HERC1: variants seen among roughly 807,000 people sequenced by gnomAD.
The protein encoded by HERC1 is HECT and RLD domain containing E3 ubiquitin protein ligase family member 1.
Under a neutral mutation model 554.3 loss-of-function variants are expected in HERC1, and 160 were observed. The ratio of observed to expected loss-of-function variants is 0.29; its 90% CI spans 0.25 to 0.33. The LOEUF (loss-of-function observed/expected upper bound fraction) is 0.33. Ranked by LOEUF, HERC1 falls within the 10% of genes least tolerant of loss-of-function variation. HERC1 has a pLI of 1.00. For synonymous variants in HERC1, 2,175 were observed against 2,131.7 expected (o/e 1.02, Z -0.56); for missense variants, 4,919 against 5,918.5 (o/e 0.83, Z 5.54).
chr15:63,743,621 A>G (rs1361885740), intron 12 of HERC1, among the ~76,000 whole-genome samples: 1 of 152,124 alleles, frequency 6.6e-6, no homozygotes, highest in African/African-American at 2.4e-5. Flanking sequence ...GCATTCTTCA[A>G]AATGTCAATT....
Position 63,775,402 on chromosome 15 carries a change from C to T in HERC1, c.222G>A (p.Glu74=). The change falls in exon 2 of 78, where the codon GAG becomes GAA. Residue 74 remains glutamate, a synonymous_variant. Coordinates refer to ENST00000443617, the MANE Select transcript of HERC1 (RefSeq NM_003922.4). This position sits in a 1 kb window ranked among gnomAD's most constrained non-coding sequence, Gnocchi z 4.0. ...GAAGGGCATCCAAATAGTGGTCCTG[C>T]TCATCACTTGAAAGAGACTCACGTT... is the stretch of plus-strand genomic sequence containing the variant. ...DFERESLSSD[E]QDHYLDALLS... The T allele has an allele frequency of 6.2e-7, 1 of 1,613,990 alleles. No homozygotes were observed. Among genetic ancestry groups the T allele is most frequent in the Non-Finnish European group, 8.5e-7 (1 of 1,179,860 alleles).
In HERC1 at chr15:63,677,151, A is replaced by G. The variant is rs887534012; in HGVS notation, c.7070+694T>C. Among the ~76,000 whole-genome samples the G allele has an allele frequency of 1.3e-5, 2 of 152,216 alleles. No individual in the cohort carries two copies. The highest frequency in any genetic ancestry group is 4.8e-5 in the African/African-American group (2 of 41,466). On this transcript the variant is annotated intron_variant, in intron 37 of 77. Transcript: ENST00000443617. The surrounding 1 kb of genome is among the most constrained non-coding windows in gnomAD (Gnocchi z 4.4). ...CTTTTTGAGCACCAACATGATGCTC[A>G]ATGGAAATATTCATTGGAGCACTTT...
At chr15:63,638,641 A>G (rs1055120197) in intron 62 of HERC1, 70 bp downstream of exon 62, 23 of 1,585,734 alleles carry the variant, frequency 1.5e-5, no homozygotes, top group Non-Finnish European at 1.7e-5. Flanking sequence ...ACCAGGGCAC[A>G]AACACACAAG....
chr15:63,661,479 G>C (rs1566984224), intron 45 of HERC1, among the ~76,000 whole-genome samples: 1 of 152,162 alleles, frequency 6.6e-6, no homozygotes, highest in Non-Finnish European at 1.5e-5. Flanking sequence ...TTGAGTAGAA[G>C]CCTCCTGAGG....
intron 1 of HERC1, among the ~76,000 whole-genome samples, chr15:63,777,648 C>A: frequency 6.6e-6 from 1 of 152,086 alleles, no homozygotes; most frequent in Non-Finnish European, 1.5e-5. Flanking sequence ...ACAGTCTGTC[C>A]TCAACATTGC....
chr15:63,640,574 A>T lies in HERC1; in HGVS notation c.11608-129T>A, dbSNP rs896033409. ...CTGTTTAAGCTTTTTGCTAGGAAAT[A>T]ATTTTAGATTTAGAGTGAGTTGTAC... On this transcript the variant is annotated intron_variant, in intron 60 of 77. Transcript: ENST00000443617. The T allele has an allele frequency of 3.4e-5, 27 of 788,022 alleles. No individual in the cohort carries two copies. The African/African-American group carries it at 4.5e-4, about 13-fold the overall frequency. The allele number at this position is 788,022 out of a possible 1,614,324, so 48.8% of individuals were successfully genotyped here. A position where few individuals can be genotyped will look rare whatever the true frequency, so the allele number is the denominator to read the frequency against.
chr15:63,615,214 A>C (rs1193707857), intron 76 of HERC1, among the ~76,000 whole-genome samples: 1 of 152,222 alleles, frequency 6.6e-6, no homozygotes, highest in Non-Finnish European at 1.5e-5. Context: ...TGCCAGATGA[A>C]AACAGTCTCA....
At chr15:63,664,117 C>G (rs992339577) in intron 43 of HERC1, among the ~76,000 whole-genome samples, 1 of 152,150 alleles carries the variant, frequency 6.6e-6, no homozygotes, top group African/African-American at 2.4e-5. Context: ...TGGCACAGTG[C>G]CCTTTCCAGC....
At chr15:63,827,076 C>T (rs1292292663) in intron 1 of HERC1, among the ~76,000 whole-genome samples, 4 of 152,086 alleles carry the variant, frequency 2.6e-5, no homozygotes, top group Admixed American at 1.3e-4. Flanking sequence ...AATGCCCATA[C>T]ATAGATGAAT....
At chr15:63,630,370 T>C in intron 69 of HERC1, 96 bp downstream of exon 69, 1 of 1,203,912 alleles carries the variant, frequency 8.3e-7, no homozygotes, top group Non-Finnish European at 1.2e-6. Context: ...AGTATTGCAG[T>C]AGATTATGAA....
intron 14 of HERC1, among the ~76,000 whole-genome samples, chr15:63,730,770 G>A (rs1053038239): frequency 2.0e-5 from 3 of 152,182 alleles, no homozygotes; most frequent in African/African-American, 4.8e-5. Context: ...GATTTAGAGA[G>A]AGAGAACAAA....
chr15:63,680,098 A>G lies in HERC1; in HGVS notation c.6528T>C (p.Tyr2176=), dbSNP rs771715753. 9 of 1,612,542 alleles carry G rather than the reference A, an allele frequency of 5.6e-6. No individual in the cohort carries two copies. In the South Asian group the frequency reaches 6.6e-5, roughly 12 times the overall value. ...TTACCTTTTCCCCTGGATTGCTACT[A>G]TAGAACATCACACATGGGTACAACT... ...AAELYPCVMF[Y]SSNPGEKVKI... is the part of the protein sequence containing the mutation. Residue 2176 remains tyrosine (Y), a synonymous_variant, in exon 36 of 78, where the codon TAT becomes TAC. Transcript: ENST00000443617. The surrounding 1 kb of genome is among the most constrained non-coding windows in gnomAD (Gnocchi z 5.8).
In HERC1 at chr15:63,643,484, G is replaced by T; in HGVS notation, c.11251C>A (p.Arg3751=). 6.2e-7 allele frequency: 1 copy of T among 1,611,822 alleles called. No individual in the cohort carries two copies. The highest frequency in any genetic ancestry group is 8.5e-7 in the Non-Finnish European group (1 of 1,178,760). ...CCATCAGAACTAAAGGCAACAGTCC[G>T]AACAGGAGTGATGTGTCCCCGCAGC... The part of the protein sequence containing the change: ...YQLRGHITPV[R]TVAFSSDGLA... The change falls in exon 58 of 78, where the codon CGG becomes AGG. Residue 3751 remains arginine, a synonymous_variant. Transcript: ENST00000443617.
At position 63,677,385 on chromosome 15, in the gene HERC1, A is replaced by C. The variant is rs1845201616; in HGVS notation, c.7070+460T>G. 6.6e-6 allele frequency among the ~76,000 whole-genome samples: 1 copy of C among 152,234 alleles called. No individual in the cohort carries two copies. The highest frequency in any genetic ancestry group is 2.1e-4 in the South Asian group (1 of 4,836). ...ATGTGGTTTTATAAAAAGGAAGAAT[A>C]CTTAAAATTACAGATAATGCAAAGC... On this transcript the variant is annotated intron_variant, in intron 37 of 77. Transcript: ENST00000443617. This position sits in a 1 kb window ranked among gnomAD's most constrained non-coding sequence, Gnocchi z 4.4.
chr15:63,636,821 G>T (rs1054039967), intron 64 of HERC1, among the ~76,000 whole-genome samples: 8 of 152,106 alleles, frequency 5.3e-5, no homozygotes, highest in Admixed American at 3.9e-4. Context: ...TCACAAAGAG[G>T]TCTCGAAGCT....
Position 63,775,509 on chromosome 15 carries a change from A to T in HERC1, c.115T>A (p.Ser39Thr), listed in dbSNP as rs2076086632. The T allele has an allele frequency of 1.2e-6, 2 of 1,614,032 alleles. No homozygotes were observed. Among genetic ancestry groups the T allele is most frequent in the Non-Finnish European group, 1.7e-6 (2 of 1,179,884 alleles). The change falls in exon 2 of 78, where the codon TCT becomes ACT. Residue 39 changes from serine to threonine, a missense_variant. Physicochemically the swap from Ser to Thr is moderately conservative, Grantham distance 58 (BLOSUM62 1). Coordinates refer to ENST00000443617, the MANE Select transcript of HERC1 (RefSeq NM_003922.4). The surrounding 1 kb of genome is among the most constrained non-coding windows in gnomAD (Gnocchi z 4.0). ...ATREGVAVLY[S>T]KLVSNKEVVP... ...ACTTCCTTATTGCTAACCAGTTTAGAATACAGAACAGCAACTCCCTCTCTT... is the reference window on the plus strand; with the variant it reads ...ACTTCCTTATTGCTAACCAGTTTAGTATACAGAACAGCAACTCCCTCTCTT...
At chr15:63,618,731 T>C (rs2067935359) in intron 74 of HERC1, among the ~76,000 whole-genome samples, 1 of 152,206 alleles carries the variant, frequency 6.6e-6, no homozygotes, top group Non-Finnish European at 1.5e-5. Flanking sequence ...CCCTTGTAAG[T>C]TGGATTCCTA....
rs2068142678 is a variant in HERC1 at position 63,622,799 on chromosome 15, T to G, written c.13688+16A>C. On this transcript the variant is annotated intron_variant, in intron 74 of 77. Transcript: ENST00000443617. ...ATTATTTTAGACATATAATGAACAC[T>G]TGCTGACTGCCATACCTGTCCCTAT... 1 of 1,574,414 alleles carries G rather than the reference T, an allele frequency of 6.4e-7. No individual in the cohort carries two copies. The highest frequency in any genetic ancestry group is 1.4e-5 in the African/African-American group (1 of 73,342).
In HERC1 at chr15:63,630,575, G is replaced by A. The variant is rs1239465910; in HGVS notation, c.12857C>T (p.Pro4286Leu). The change falls in exon 69 of 78, where the codon CCT becomes CTT. Residue 4286 changes from proline (P) to leucine (L), a missense_variant. Pro to Leu is a moderately conservative substitution (Grantham distance 98). Coordinates refer to ENST00000443617, the MANE Select transcript of HERC1 (RefSeq NM_003922.4). ...TTCTATGATTACTCCAGCCAGGACA[G>A]GGATTTGTTGCGGTCGATTGTGATT... Reference protein sequence around the residue: ...ARNHNRPQQIPVLAGVIIEDV... With the variant: ...ARNHNRPQQILVLAGVIIEDV... The A allele has an allele frequency of 1.2e-6, 2 of 1,614,044 alleles. No individual in the cohort carries two copies. The highest frequency in any genetic ancestry group is 1.6e-4 in the Middle Eastern group (1 of 6,062).
Sources: gnomAD v4.1 joint callset for allele counts (sites outside exome capture counted in the v4.1 genomes callset) on GRCh38, gnomAD v4.1.1 for gene constraint, Gnocchi (gnomAD v3.1) non-coding constraint, MANE v1.5 for transcripts, NCBI Gene and HGNC (gene_info 2026-07-23, HGNC 2026-07-21) for gene names.